Variants in DPP10 observed in about 807,000 individuals in gnomAD.
DPP10 encodes dipeptidyl peptidase like 10.
In DPP10, 33 loss-of-function variants were observed where a neutral mutation model predicts 120.9. The observed-to-expected ratio is 0.27, with a 90% CI of 0.21 to 0.37. DPP10 has a LOEUF of 0.37. DPP10 is among the 10% of genes least tolerant of loss of function. The pLI, the probability that DPP10 is intolerant of heterozygous loss-of-function variation, is 1.00. For missense variants in DPP10, 816 were observed against 942.8 expected (o/e 0.87, Z 1.76); for synonymous variants, 337 against 326.1 (o/e 1.03, Z -0.36).
chr2:115,558,939 T>C (rs17044697), intron 5 of DPP10, among the ~76,000 whole-genome samples: 32,339 of 152,052 alleles, frequency 0.21, 4,006 homozygotes, highest in East Asian at 0.4. Flanking sequence ...TGACAGGTAC[T>C]TTCTTATGCA....
intron 5 of DPP10, among the ~76,000 whole-genome samples, chr2:115,540,878 C>G (rs1231405739): frequency 6.6e-6 from 1 of 151,822 alleles, no homozygotes; most frequent in Non-Finnish European, 1.5e-5. Context: ...GTAACACATT[C>G]TGAGGGAGAG....
chr2:114,668,248 G>A (rs1171332081), intron 1 of DPP10, among the ~76,000 whole-genome samples: 1 of 152,126 alleles, frequency 6.6e-6, no homozygotes, highest in East Asian at 1.9e-4. Context: ...TGTATAACTG[G>A]GGAGGCTGGC....
intron 1 of DPP10, among the ~76,000 whole-genome samples, chr2:114,972,866 G>A (rs894237173): frequency 3.3e-5 from 5 of 152,114 alleles, no homozygotes; most frequent in East Asian, 1.9e-4. Flanking sequence ...AAGAATAGAC[G>A]CATTGCAGTT....
intron 1 of DPP10, among the ~76,000 whole-genome samples, chr2:115,121,539 T>A (rs2049824600): frequency 6.6e-6 from 1 of 152,148 alleles, no homozygotes; most frequent in Non-Finnish European, 1.5e-5. Flanking sequence ...CCAGGGGCAT[T>A]TTTGGCTCTT....
intron 5 of DPP10, among the ~76,000 whole-genome samples, chr2:115,622,510 C>CTTTTTTTTTTTTTTTTTTTTT (rs70941082): frequency 8.5e-6 from 1 of 117,448 alleles, no homozygotes; most frequent in African/African-American, 3.4e-5. Context: ...ATTTTATTGT[C>CTTTTTTTTTTTTTTTTTTTTT]TTTTTTTTTT....
At chr2:114,539,875 C>T (rs1458855471) in intron 1 of DPP10, among the ~76,000 whole-genome samples, 2 of 152,150 alleles carry the variant, frequency 1.3e-5, no homozygotes. Context: ...AAATCAGTCA[C>T]TTAGAACAGC....
At chr2:114,637,561 G>A (rs1695387662) in intron 1 of DPP10, among the ~76,000 whole-genome samples, 1 of 151,856 alleles carries the variant, frequency 6.6e-6, no homozygotes, top group East Asian at 1.9e-4. Context: ...TCTTTGCCAA[G>A]GCTGATGTCA....
At chr2:114,487,500 C>T (rs1306839036) in intron 1 of DPP10, among the ~76,000 whole-genome samples, 1 of 152,134 alleles carries the variant, frequency 6.6e-6, no homozygotes, top group African/African-American at 2.4e-5. Context: ...ACAGAAATGA[C>T]AATCTTTACA....
chr2:115,116,195 T>C (rs1219900584), intron 1 of DPP10, among the ~76,000 whole-genome samples: 2 of 152,218 alleles, frequency 1.3e-5, no homozygotes, highest in Admixed American at 1.3e-4. Context: ...AGCAGAGATT[T>C]GAACACAGAT....
chr2:115,661,046 G>A (rs754179159), intron 5 of DPP10, among the ~76,000 whole-genome samples: 17 of 151,916 alleles, frequency 1.1e-4, no homozygotes, highest in Non-Finnish European at 2.5e-4. Flanking sequence ...TGCCTCCTGG[G>A]TTCAAGTAAT....
chr2:114,782,848 A>G (rs542099100), intron 1 of DPP10, among the ~76,000 whole-genome samples: 74 of 152,272 alleles, frequency 4.9e-4, no homozygotes, highest in African/African-American at 1.8e-3. Flanking sequence ...AGTGCAGTGA[A>G]AAGAACAGAG....
chr2:115,681,495 A>C (rs1358915625), intron 5 of DPP10, among the ~76,000 whole-genome samples: 1 of 151,868 alleles, frequency 6.6e-6, no homozygotes, highest in South Asian at 2.1e-4. Flanking sequence ...TTTATGGAAT[A>C]AGTTAACAAG....
chr2:114,472,742 A>G (rs1419121591), intron 1 of DPP10, among the ~76,000 whole-genome samples: 2 of 152,192 alleles, frequency 1.3e-5, no homozygotes, highest in Admixed American at 6.5e-5. Flanking sequence ...CCCTCTAGCT[A>G]GAAGAAACTT....
chr2:114,794,305 G>C (rs1335634135), intron 1 of DPP10, among the ~76,000 whole-genome samples: 1 of 152,090 alleles, frequency 6.6e-6, no homozygotes, highest in Non-Finnish European at 1.5e-5. Flanking sequence ...CAATCACACA[G>C]CCATGAAAGA....
At chr2:114,752,585 C>G (rs1679340817) in intron 1 of DPP10, among the ~76,000 whole-genome samples, 1 of 152,138 alleles carries the variant, frequency 6.6e-6, no homozygotes, top group Admixed American at 6.5e-5. Context: ...AGGCAGGACT[C>G]AAGGTTCTGT....
intron 3 of DPP10, among the ~76,000 whole-genome samples, chr2:115,490,007 C>T (rs1333237042): frequency 2.0e-5 from 3 of 152,112 alleles, no homozygotes; most frequent in Non-Finnish European, 4.4e-5. Context: ...CAAAGTTTAA[C>T]TCTTGCAACC....
At chr2:115,503,954 C>G (rs768442143) in intron 4 of DPP10, among the ~76,000 whole-genome samples, 1 of 152,034 alleles carries the variant, frequency 6.6e-6, no homozygotes, top group African/African-American at 2.4e-5. Flanking sequence ...GACAGAGATA[C>G]AAGAGAAACC....
chr2:114,711,011 C>A (rs940636111), intron 1 of DPP10, among the ~76,000 whole-genome samples: 1 of 152,082 alleles, frequency 6.6e-6, no homozygotes, highest in Non-Finnish European at 1.5e-5. Flanking sequence ...AAAACAAAAG[C>A]TGAACACAGT....
intron 1 of DPP10, among the ~76,000 whole-genome samples, chr2:114,777,129 G>A (rs1681819835): frequency 6.6e-6 from 1 of 152,038 alleles, no homozygotes; most frequent in East Asian, 1.9e-4. Context: ...TAAATGAAAT[G>A]TACTCTTTGA....
Sources: gnomAD v4.1 joint callset for allele counts (sites outside exome capture counted in the v4.1 genomes callset) on GRCh38, gnomAD v4.1.1 for gene constraint, MANE v1.5 for transcripts, NCBI Gene and HGNC (gene_info 2026-07-23, HGNC 2026-07-21) for gene names.